The following FLT1 variants were observed in gnomAD, a reference collection of about 807,000 sequenced individuals.
FLT1 encodes the protein fms related receptor tyrosine kinase 1.
Under a neutral mutation model 156.3 loss-of-function variants are expected in FLT1, and 49 were observed. The ratio of observed to expected loss-of-function variants is 0.31; its 90% CI spans 0.25 to 0.40. The LOEUF (loss-of-function observed/expected upper bound fraction) is 0.40, where lower values mean the gene tolerates loss of function less well. Ranked by LOEUF, FLT1 falls within the 10% of genes least tolerant of loss-of-function variation. The pLI, the probability that FLT1 is intolerant of heterozygous loss-of-function variation, is 1.00. For missense variants in FLT1, 1,322 were observed against 1,637.2 expected (o/e 0.81, Z 3.32); for synonymous variants, 594 against 583.8 (o/e 1.02, Z -0.25).
intron 1 of FLT1, among the ~76,000 whole-genome samples, chr13:28,476,522 A>G (rs1471513406): frequency 6.6e-6 from 1 of 152,216 alleles, no homozygotes; most frequent in African/African-American, 2.4e-5. Context: ...TTTAGTTTGT[A>G]GAAAGTTTCT....
chr13:28,484,778 G>A (rs149023303), intron 1 of FLT1, among the ~76,000 whole-genome samples: 19 of 152,148 alleles, frequency 1.2e-4, no homozygotes, highest in African/African-American at 4.1e-4. Flanking sequence ...GGGTTTGCAA[G>A]TCTGATAGAC....
rs142617673 is a variant in FLT1, at chr13:28,361,139, C to T, written c.2117-3454G>A. Among the ~76,000 whole-genome samples, 1,494 of 152,024 alleles carry T rather than the reference C, an allele frequency of 9.8e-3. 23 individuals are homozygous for T. The highest frequency in any genetic ancestry group is 0.032 in the African/African-American group (1,339 of 41,460). On this transcript the variant is annotated intron_variant, in intron 14 of 29. Coordinates refer to ENST00000282397, the MANE Select transcript of FLT1 (RefSeq NM_002019.4). Reference sequence around the variant, plus strand: ...ACTAAAAATACAAAAATTAGCCGGGCGTGGTGGCTCATGCCGGTAGTCCCA... The same window carrying T: ...ACTAAAAATACAAAAATTAGCCGGGTGTGGTGGCTCATGCCGGTAGTCCCA...
At chr13:28,403,325 C>T (rs1875577203) in intron 11 of FLT1, among the ~76,000 whole-genome samples, 1 of 152,110 alleles carries the variant, frequency 6.6e-6, no homozygotes, top group African/African-American at 2.4e-5. Context: ...TGTAAAATTA[C>T]CAGACAATAA....
intron 14 of FLT1, among the ~76,000 whole-genome samples, chr13:28,364,058 C>T (rs772421126): frequency 6.6e-6 from 1 of 152,072 alleles, no homozygotes; most frequent in African/African-American, 2.4e-5. Flanking sequence ...TATCCTTTGC[C>T]CATTTTTCTG....
chr13:28,425,350 C>T (rs1051208174), intron 10 of FLT1, among the ~76,000 whole-genome samples: 4 of 152,190 alleles, frequency 2.6e-5, no homozygotes, highest in African/African-American at 9.7e-5. Context: ...AGGTAATGCT[C>T]TGAGTCTTGA....
At chr13:28,330,954 A>C (rs1871909089) in intron 18 of FLT1, among the ~76,000 whole-genome samples, 1 of 152,158 alleles carries the variant, frequency 6.6e-6, no homozygotes, top group South Asian at 2.1e-4. Flanking sequence ...TTGGCCTCCC[A>C]AACTGCTGGG....
At chr13:28,412,879 A>G (rs1337627214) in intron 10 of FLT1, among the ~76,000 whole-genome samples, 4 of 151,948 alleles carry the variant, frequency 2.6e-5, no homozygotes, top group Non-Finnish European at 5.9e-5. Flanking sequence ...CTTAAAACAG[A>G]TGAAACAATA....
intron 14 of FLT1, among the ~76,000 whole-genome samples, chr13:28,366,720 C>G (rs999861860): frequency 1.3e-5 from 2 of 152,140 alleles, no homozygotes; most frequent in Admixed American, 1.3e-4. Flanking sequence ...ATCCACCTGC[C>G]TGGGCCTCCT....
chr13:28,313,032 G>A (rs1328828177), intron 25 of FLT1, among the ~76,000 whole-genome samples: 1 of 151,620 alleles, frequency 6.6e-6, no homozygotes, highest in Admixed American at 6.6e-5. Flanking sequence ...AGGCTGGAGT[G>A]CAGTGCCATG....
chr13:28,305,667 T>C (rs1319203524), intron 29 of FLT1, among the ~76,000 whole-genome samples: 2 of 152,234 alleles, frequency 1.3e-5, no homozygotes, highest in Non-Finnish European at 2.9e-5. Flanking sequence ...TTTTATACTA[T>C]AATGCAAGCT....
chr13:28,350,145 A>T (rs1872694957), intron 15 of FLT1, among the ~76,000 whole-genome samples: 1 of 152,216 alleles, frequency 6.6e-6, no homozygotes, highest in South Asian at 2.1e-4. Context: ...GAAAGAGGCC[A>T]GGGAAATGTG....
At chr13:28,335,621 T>C (rs889504014) in intron 17 of FLT1, among the ~76,000 whole-genome samples, 2 of 152,218 alleles carry the variant, frequency 1.3e-5, no homozygotes, top group Admixed American at 6.5e-5. Flanking sequence ...ATTTCACTTA[T>C]ACCAGTGTCA....
chr13:28,494,655 G>T, intron 1 of FLT1, 125 bp downstream of exon 1: 1 of 724,072 alleles, frequency 1.4e-6, no homozygotes, highest in South Asian at 1.7e-5. Flanking sequence ...GGTTCTCGCC[G>T]TAGCCAGCTT....
intron 18 of FLT1, 103 bp from the exon 19 acceptor site, chr13:28,329,831 C>T: frequency 1.1e-6 from 1 of 890,500 alleles, no homozygotes; most frequent in Non-Finnish European, 1.8e-6. Flanking sequence ...CAGCCGGTTG[C>T]TTCACTAACT....
chr13:28,313,101 C>G (rs565153159), intron 25 of FLT1, among the ~76,000 whole-genome samples: 14 of 152,176 alleles, frequency 9.2e-5, no homozygotes, highest in African/African-American at 3.4e-4. Flanking sequence ...GCCTTAGCCT[C>G]CTGAGTAGCT....
chr13:28,466,339 T>A (rs1879845422), intron 3 of FLT1, among the ~76,000 whole-genome samples: 1 of 152,200 alleles, frequency 6.6e-6, no homozygotes, highest in Admixed American at 6.5e-5. Flanking sequence ...ATGATTCATT[T>A]TTGCCCTTTG....
At chr13:28,419,890 CA>C (rs1876902059) in intron 10 of FLT1, among the ~76,000 whole-genome samples, 4 of 152,154 alleles carry the variant, frequency 2.6e-5, no homozygotes, top group Non-Finnish European at 5.9e-5. Context: ...AAACAAAAAA[CA>C]AAAAACATCC....
At chr13:28,370,325 G>A (rs1873502100) in intron 14 of FLT1, among the ~76,000 whole-genome samples, 1 of 152,166 alleles carries the variant, frequency 6.6e-6, no homozygotes, top group South Asian at 2.1e-4. Context: ...TTATGATGGG[G>A]GGAGAGGGGA....
chr13:28,481,765 T>C (rs1162343045), intron 1 of FLT1, among the ~76,000 whole-genome samples: 1 of 152,186 alleles, frequency 6.6e-6, no homozygotes, highest in African/African-American at 2.4e-5. Flanking sequence ...AGTCAACAAA[T>C]AGAGATCTCC....
Sources: allele counts gnomAD v4.1 joint callset (sites outside exome capture counted in the v4.1 genomes callset), GRCh38; gene constraint gnomAD v4.1.1; transcripts MANE v1.5; gene names NCBI Gene and HGNC (gene_info 2026-07-23, HGNC 2026-07-21).